TENM4: variants seen among roughly 807,000 people sequenced by gnomAD.
TENM4 encodes the protein teneurin transmembrane protein 4.
A neutral mutation model predicts 243.3 loss-of-function variants in TENM4; 82 were observed. The observed-to-expected ratio is 0.34, with a 90% CI of 0.28 to 0.40. The LOEUF is 0.40. TENM4 is among the 10% of genes least tolerant of loss of function. The pLI is 1.00. For synonymous variants in TENM4, 1,412 were observed against 1,456.3 expected (o/e 0.97, Z 0.69); for missense variants, 3,138 against 3,673.3 (o/e 0.85, Z 3.77).
intron 4 of TENM4, among the ~76,000 whole-genome samples, chr11:79,123,078 G>A (rs1431055477): frequency 1.3e-5 from 2 of 152,160 alleles, no homozygotes; most frequent in Non-Finnish European, 2.9e-5. Context: ...GCCTCACTCA[G>A]GAATATGAGA....
At chr11:79,277,194 C>G (rs115002180) in intron 2 of TENM4, among the ~76,000 whole-genome samples, 1 of 152,098 alleles carries the variant, frequency 6.6e-6, no homozygotes, top group Admixed American at 6.5e-5. Context: ...TTTTCAGACA[C>G]GAGATTTATG....
intron 3 of TENM4, among the ~76,000 whole-genome samples, chr11:79,197,466 G>C (rs1465780859): frequency 6.6e-6 from 1 of 152,022 alleles, no homozygotes; most frequent in Non-Finnish European, 1.5e-5. Context: ...AGCCATGTCA[G>C]CATGGGAGCA....
chr11:79,264,062 G>A lies in TENM4; in HGVS notation c.-265+33426C>T, dbSNP rs1855842191. Among the ~76,000 whole-genome samples the A allele has an allele frequency of 2.6e-5, 4 of 152,306 alleles. 1 individual carries two copies. The South Asian group carries it at 8.3e-4, about 32-fold the overall frequency. The stretch of plus-strand genomic sequence containing the variant: ...CCTTAGGTCTTCCAGAATGGACATT[G>A]TGTAATGAGAAAAAAGAGATGTTCA... On this transcript the variant is annotated intron_variant, in intron 2 of 33. Coordinates refer to ENST00000278550, the MANE Select transcript of TENM4 (RefSeq NM_001098816.3).
chr11:78,803,022 CT>C (rs1857312583), intron 15 of TENM4, among the ~76,000 whole-genome samples: 1 of 151,244 alleles, frequency 6.6e-6, no homozygotes, highest in East Asian at 1.9e-4. Flanking sequence ...TGGGCCAAAT[CT>C]TTTTTTCTTT....
chr11:79,267,342 G>A (rs566562970), intron 2 of TENM4, among the ~76,000 whole-genome samples: 2 of 152,238 alleles, frequency 1.3e-5, no homozygotes, highest in South Asian at 2.1e-4. Flanking sequence ...GTTCTGTGGA[G>A]GCCATTTACC....
In TENM4 at chr11:79,144,999, A is replaced by T. The variant is rs183990026; in HGVS notation, c.-66+3711T>A. Reference sequence around the variant, plus strand: ...TGGATACCCCATTTAACCTGATATGATCAGCATGCATTGTATGCCTGTATC... The same window carrying T: ...TGGATACCCCATTTAACCTGATATGTTCAGCATGCATTGTATGCCTGTATC... On this transcript the variant is annotated intron_variant, in intron 4 of 33. Coordinates refer to ENST00000278550, the MANE Select transcript of TENM4 (RefSeq NM_001098816.3). Among the ~76,000 whole-genome samples, 130 of 152,146 alleles carry T rather than the reference A, an allele frequency of 8.5e-4. 1 individual carries two copies. The highest frequency in any genetic ancestry group is 8.3e-3 in the Admixed American group (126 of 15,238).
intron 7 of TENM4, among the ~76,000 whole-genome samples, chr11:78,895,621 G>A (rs555918737): frequency 1.8e-4 from 28 of 152,258 alleles, no homozygotes; most frequent in African/African-American, 6.3e-4. Flanking sequence ...CACCTTTCTT[G>A]ATGGGGACCC....
At chr11:78,716,371 T>C (rs1859521484) in intron 25 of TENM4, among the ~76,000 whole-genome samples, 1 of 152,242 alleles carries the variant, frequency 6.6e-6, no homozygotes, top group Non-Finnish European at 1.5e-5. Context: ...ACAAAGTTTA[T>C]ACTTTTAGTA....
At chr11:79,417,146 C>T (rs973415343) in intron 1 of TENM4, among the ~76,000 whole-genome samples, 3 of 152,176 alleles carry the variant, frequency 2.0e-5, no homozygotes, top group African/African-American at 7.2e-5. Flanking sequence ...GAAGAAATGG[C>T]TTAAAAGAAC....
intron 4 of TENM4, among the ~76,000 whole-genome samples, chr11:79,111,049 G>T (rs187239372): frequency 2.0e-5 from 3 of 152,148 alleles, no homozygotes; most frequent in Admixed American, 1.3e-4. Context: ...GAGCCGGTGG[G>T]AGACAATTGA....
At position 79,438,379 on chromosome 11, in the gene TENM4, C is replaced by T. The variant is rs1233047870; in HGVS notation, c.-321+2130G>A. 6.6e-6 allele frequency among the ~76,000 whole-genome samples: 1 copy of T among 152,230 alleles called. No homozygotes were observed. The highest frequency in any genetic ancestry group is 1.5e-5 in the Non-Finnish European group (1 of 68,032). On this transcript the variant is annotated intron_variant, in intron 1 of 33. Transcript: ENST00000278550. This position sits in a 1 kb window ranked among gnomAD's most constrained non-coding sequence, Gnocchi z 4.1. ...GAATAAACGCAACAGAAGCAAACTG[C>T]TGTCTGCAGAGGCGAGAGGCGAAGG...
intron 1 of TENM4, among the ~76,000 whole-genome samples, chr11:79,325,920 G>A (rs965777598): frequency 3.3e-5 from 5 of 152,206 alleles, no homozygotes; most frequent in African/African-American, 1.2e-4. Context: ...ACCAGGGTGG[G>A]AGAGCAGGGA....
chr11:79,192,193 G>A lies in TENM4; in HGVS notation c.-163+23615C>T, dbSNP rs924267783. ...AGCTGCCCGGTCTGGGAGCTGAGGG[G>A]CACCTCTGCCCGGCCGCCCCTACTG... On this transcript the variant is annotated intron_variant, in intron 3 of 33. Coordinates refer to ENST00000278550, the MANE Select transcript of TENM4 (RefSeq NM_001098816.3). Among the ~76,000 whole-genome samples the A allele has an allele frequency of 2.0e-5, 3 of 151,390 alleles. 1 individual carries two copies. In the South Asian group the frequency reaches 6.3e-4, roughly 32 times the overall value.
intron 2 of TENM4, among the ~76,000 whole-genome samples, chr11:79,272,511 G>C (rs1855985212): frequency 6.6e-6 from 1 of 152,014 alleles, no homozygotes; most frequent in African/African-American, 2.4e-5. Flanking sequence ...GAAATCCAGG[G>C]CACATCTCGT....
intron 2 of TENM4, among the ~76,000 whole-genome samples, chr11:79,264,977 G>A (rs1205649677): frequency 6.6e-6 from 1 of 152,218 alleles, no homozygotes; most frequent in Non-Finnish European, 1.5e-5. Context: ...AACCTAATGA[G>A]TGGAGGCAGC....
chr11:79,107,307 A>G (rs1861396564), intron 4 of TENM4, among the ~76,000 whole-genome samples: 1 of 152,072 alleles, frequency 6.6e-6, no homozygotes, highest in African/African-American at 2.4e-5. Context: ...TCATAATCAT[A>G]GTGGCATTAA....
chr11:79,165,474 AC>A lies in TENM4; in HGVS notation c.-162-16669del, dbSNP rs1006239737. On this transcript the variant is annotated intron_variant, in intron 3 of 33. Coordinates refer to ENST00000278550, the MANE Select transcript of TENM4 (RefSeq NM_001098816.3). ...AACTGTCTATTCATGTTCTTAGCCT[AC>A]TTTTTGATGAAATTGTTTGTTTTGT... 2.9e-4 allele frequency among the ~76,000 whole-genome samples: 44 copies of A among 152,152 alleles called. No homozygotes were observed. The Middle Eastern group carries it at 0.014, about 47-fold the overall frequency.
At chr11:79,099,843 C>CT (rs1216330819) in intron 4 of TENM4, among the ~76,000 whole-genome samples, 1 of 152,244 alleles carries the variant, frequency 6.6e-6, no homozygotes, top group African/African-American at 2.4e-5. Context: ...ATCTATCTGC[C>CT]TAGCAAACAC....
chr11:79,363,076 C>T (rs1015725227), intron 1 of TENM4, among the ~76,000 whole-genome samples: 1 of 152,164 alleles, frequency 6.6e-6, no homozygotes, highest in Admixed American at 6.5e-5. Context: ...GTTTTGTTGG[C>T]TAGTACAGTT....
Sources: allele counts gnomAD v4.1 joint callset (sites outside exome capture counted in the v4.1 genomes callset), GRCh38; gene constraint gnomAD v4.1.1; non-coding constraint Gnocchi (gnomAD v3.1); transcripts MANE v1.5; gene names NCBI Gene and HGNC (gene_info 2026-07-23, HGNC 2026-07-21).